LARP1: variants seen among roughly 807,000 people sequenced by gnomAD.
LARP1 encodes La ribonucleoprotein 1, translational regulator, also known as la-related protein 1.
LARP1 carries 36 observed loss-of-function variants against 122.7 expected under a neutral mutation model. That is an observed-to-expected ratio of 0.29 (90% CI 0.22 to 0.39). The LOEUF is 0.39. LARP1 is among the 10% of genes least tolerant of loss of function. LARP1 has a pLI of 1.00. For missense variants in LARP1, 1,040 were observed against 1,403.6 expected (o/e 0.74, Z 4.14); for synonymous variants, 539 against 528.7 (o/e 1.02, Z -0.27).
rs533394316 is a variant in LARP1 at position 154,724,804 on chromosome 5, C to T, written c.205+11674C>T. Among the ~76,000 whole-genome samples, 6 of 152,130 alleles carry T rather than the reference C, an allele frequency of 3.9e-5. No individual in the cohort carries two copies. In the South Asian group the frequency reaches 8.3e-4, roughly 21 times the overall value. On this transcript the variant is annotated intron_variant, in intron 1 of 18. Coordinates refer to the LARP1 transcript ENST00000336314. Reference sequence around the variant, plus strand: ...ACCTCAGCCTGCCAAGTAGCTGAGACTACAGGTGCACGCCACCATACCCAG... The same window carrying T: ...ACCTCAGCCTGCCAAGTAGCTGAGATTACAGGTGCACGCCACCATACCCAG...
rs765581629 is a variant in LARP1 at position 154,811,283 on chromosome 5, T to C, written c.2880T>C (p.Tyr960=). ...GLECLFRYYS[Y]GLEKKFRLDI... is the part of the protein sequence containing the mutation. ...AGTGCCTTTTTCGATACTACAGTTATGGCCTGGAAAAGAAGTTCCGGCTGG... is the reference window on the plus strand; with the variant it reads ...AGTGCCTTTTTCGATACTACAGTTACGGCCTGGAAAAGAAGTTCCGGCTGG... Residue 960 remains tyrosine, a synonymous_variant, in exon 17 of 19, where the codon TAT becomes TAC. Transcript: ENST00000518297. 1.2e-5 allele frequency: 19 copies of C among 1,614,112 alleles called. No homozygotes were observed. In the Middle Eastern group the frequency reaches 4.9e-4, roughly 42 times the overall value.
At chr5:154,691,150 T>C (rs2113203973) in intron 1 of LARP1, among the ~76,000 whole-genome samples, 1 of 151,056 alleles carries the variant, frequency 6.6e-6, no homozygotes, top group South Asian at 2.1e-4. Flanking sequence ...TAGTCCCAGC[T>C]ACTCGGGAGG....
At chr5:154,779,030 C>T (rs950332162) in intron 1 of LARP1, among the ~76,000 whole-genome samples, 8 of 150,050 alleles carry the variant, frequency 5.3e-5, no homozygotes, top group Non-Finnish European at 1.0e-4. Context: ...TCCCCGCTTA[C>T]CCCACCTTTT....
At chr5:154,696,751 C>G (rs1048323622) in intron 1 of LARP1, among the ~76,000 whole-genome samples, 1 of 152,106 alleles carries the variant, frequency 6.6e-6, no homozygotes, top group Admixed American at 6.6e-5. Flanking sequence ...AAGAAAATGA[C>G]CAAGGCAGGT....
At chr5:154,691,001 T>G (rs558850703) in intron 1 of LARP1, among the ~76,000 whole-genome samples, 1 of 152,284 alleles carries the variant, frequency 6.6e-6, no homozygotes, top group South Asian at 2.1e-4. Context: ...GGCTCATGCC[T>G]GTAATCCCAG....
intron 1 of LARP1, among the ~76,000 whole-genome samples, chr5:154,742,147 C>G (rs1171574866): frequency 6.6e-6 from 1 of 152,200 alleles, no homozygotes. Flanking sequence ...GCACTTCACT[C>G]CTGTGATCAT....
rs763370671 is a variant in LARP1 at position 154,814,111 on chromosome 5, C to T, written c.*15C>T. On this transcript the variant is annotated 3_prime_UTR_variant, in exon 19 of 19. Transcript: ENST00000518297. ...TGGGAAAGTGAAAAGCTCCTTAGCC[C>T]TGGGGCTTGAGGGGGGAAAGGGGTA... 6.2e-6 allele frequency: 10 copies of T among 1,613,352 alleles called. No homozygotes were observed. The highest frequency in any genetic ancestry group is 8.5e-6 in the Non-Finnish European group (10 of 1,179,548).
Position 154,792,726 on chromosome 5 carries a change from C to A in LARP1, c.669C>A (p.Thr223=). The part of the protein sequence containing the change: ...EGSDSKESPK[T]KSDESGEEKN... ...GTGATAGTAAGGAGAGTCCAAAAACCAAATCAGATGAATCAGGGGAGGAAA... is the reference window on the plus strand; with the variant it reads ...GTGATAGTAAGGAGAGTCCAAAAACAAAATCAGATGAATCAGGGGAGGAAA... Residue 223 remains threonine, a synonymous_variant, in exon 4 of 19, where the codon ACC becomes ACA. Coordinates refer to ENST00000518297, the MANE Select transcript of LARP1 (RefSeq NM_033551.3). 6.2e-7 allele frequency: 1 copy of A among 1,614,100 alleles called. No individual in the cohort carries two copies. Among genetic ancestry groups the A allele is most frequent in the East Asian group, 2.2e-5 (1 of 44,884 alleles).
At chr5:154,698,502 C>A (rs1000161213) in intron 1 of LARP1, among the ~76,000 whole-genome samples, 1 of 152,114 alleles carries the variant, frequency 6.6e-6, no homozygotes, top group African/African-American at 2.4e-5. Flanking sequence ...GAGGCTGAGG[C>A]AGGAGAATTG....
At position 154,788,869 on chromosome 5, in the gene LARP1, G is replaced by A. The variant is rs544931799; in HGVS notation, c.437-1456G>A. Among the ~76,000 whole-genome samples the A allele has an allele frequency of 3.3e-5, 5 of 152,264 alleles. No homozygotes were observed. In the East Asian group the frequency reaches 9.7e-4, roughly 29 times the overall value. On this transcript the variant is annotated intron_variant, in intron 1 of 18. Transcript: ENST00000518297. Reference sequence around the variant, plus strand: ...GTTCTTACATGTCGTTCTAGAGTTTGTACTGTATGTGTGTGCATGTGCACA... The same window carrying A: ...GTTCTTACATGTCGTTCTAGAGTTTATACTGTATGTGTGTGCATGTGCACA...
At position 154,802,540 on chromosome 5, in the gene LARP1, A is replaced by T; in HGVS notation, c.2109+141A>T. On this transcript the variant is annotated intron_variant, in intron 11 of 18. Transcript: ENST00000518297. This position sits in a 1 kb window ranked among gnomAD's most constrained non-coding sequence, Gnocchi z 5.1. ...GATTTTTATATATGGGAAGGGGATGATGACTGACATCTAGCTTGGGCATTA... is the reference window on the plus strand; with the variant it reads ...GATTTTTATATATGGGAAGGGGATGTTGACTGACATCTAGCTTGGGCATTA... 1 of 1,025,596 alleles carries T rather than the reference A, an allele frequency of 9.8e-7. No individual in the cohort carries two copies. Among genetic ancestry groups the T allele is most frequent in the Non-Finnish European group, 1.4e-6 (1 of 731,652 alleles). The allele number at this position is 1,025,596 out of a possible 1,614,324, so 63.5% of individuals were successfully genotyped here.
chr5:154,691,698 A>G (rs540336988), intron 1 of LARP1, among the ~76,000 whole-genome samples: 22 of 151,966 alleles, frequency 1.4e-4, no homozygotes, highest in African/African-American at 5.1e-4. Flanking sequence ...GTGAATGGGC[A>G]CCCATCCTCC....
Position 154,724,506 on chromosome 5 carries a change from T to C in LARP1, c.205+11376T>C, listed in dbSNP as rs184150132. Among the ~76,000 whole-genome samples the C allele has an allele frequency of 3.2e-4, 49 of 152,308 alleles. 1 individual carries two copies. Among genetic ancestry groups the C allele is most frequent in the African/African-American group, 1.1e-3 (46 of 41,578 alleles). ...AGCTGTTATCCATTTGTTTAAATGG[T>C]GTCTATTGAGAACTTAAAGCAAGGA... On this transcript the variant is annotated intron_variant, in intron 1 of 18. Transcript: ENST00000336314.
exon 1 of LARP1, chr5:154,712,910 A>G: frequency 1.2e-6 from 2 of 1,609,798 alleles, no homozygotes; most frequent in Non-Finnish European, 1.7e-6. Flanking sequence ...TAGTGACCCC[A>G]GGCCCTGGTC....
intron 1 of LARP1, among the ~76,000 whole-genome samples, chr5:154,782,071 A>G (rs1315065980): frequency 6.6e-6 from 1 of 152,148 alleles, no homozygotes; most frequent in Non-Finnish European, 1.5e-5. Flanking sequence ...CTATGACTAG[A>G]TCTGAGGAGT....
In LARP1 at chr5:154,723,252, C is replaced by T. The variant is rs887388185; in HGVS notation, c.205+10122C>T. Among the ~76,000 whole-genome samples, 5 of 152,362 alleles carry T rather than the reference C, an allele frequency of 3.3e-5. No individual in the cohort carries two copies. In the South Asian group the frequency reaches 8.3e-4, roughly 25 times the overall value. The stretch of plus-strand genomic sequence containing the variant: ...CAGCTCTAACAGGGGTTGTCAATGC[C>T]TTAACCCTAAGGTTTTCAGCTGGGG... On this transcript the variant is annotated intron_variant, in intron 1 of 18. Transcript: ENST00000336314.
intron 1 of LARP1, among the ~76,000 whole-genome samples, chr5:154,758,267 C>T (rs1469870499): frequency 1.3e-5 from 2 of 152,120 alleles, no homozygotes; most frequent in African/African-American, 4.8e-5. Context: ...GCTTGGCTGG[C>T]ATCTCACCTT....
At chr5:154,683,573 T>G (rs1372399080) in intron 1 of LARP1, among the ~76,000 whole-genome samples, 1 of 152,180 alleles carries the variant, frequency 6.6e-6, no homozygotes, top group Admixed American at 6.6e-5. Context: ...TACTCCCTAC[T>G]GTTTCACCTA....
chr5:154,687,827 C>T (rs1224232049), intron 1 of LARP1, among the ~76,000 whole-genome samples: 2 of 152,088 alleles, frequency 1.3e-5, no homozygotes, highest in Admixed American at 6.5e-5. Flanking sequence ...TTTAATTAGT[C>T]GAGCTGCAGC....
Sources: allele counts gnomAD v4.1 joint callset (sites outside exome capture counted in the v4.1 genomes callset), GRCh38; gene constraint gnomAD v4.1.1; non-coding constraint Gnocchi (gnomAD v3.1); transcripts MANE v1.5; gene names NCBI Gene and HGNC (gene_info 2026-07-23, HGNC 2026-07-21).